EFCAB3: variants seen among roughly 807,000 people sequenced by gnomAD.
EFCAB3 encodes EF-hand calcium-binding domain-containing protein 3.
A neutral mutation model predicts 42.2 loss-of-function variants in EFCAB3; 36 were observed. The observed-to-expected ratio is 0.85, with a 90% CI of 0.65 to 1.13. EFCAB3 has a LOEUF of 1.13. EFCAB3 is among the 50% of genes most tolerant of loss of function. The pLI is 0.00. For missense variants in EFCAB3, 418 were observed against 505.1 expected, an observed-to-expected ratio of 0.83 and a Z score of 1.65; for synonymous variants, 170 against 172.8, an observed-to-expected ratio of 0.98 and a Z score of 0.13.
chr17:62,409,113 A>G (rs747177099), intron 8 of EFCAB3, among the ~76,000 whole-genome samples: 4 of 152,172 alleles, frequency 2.6e-5, no homozygotes, highest in Non-Finnish European at 4.4e-5. Flanking sequence ...GCTGGAATAC[A>G]GTGGCGTGAT....
chr17:62,397,440 G>A, intron 6 of EFCAB3: 2 of 519,662 alleles, frequency 3.8e-6, no homozygotes, highest in Admixed American at 2.3e-5. Context: ...AAGCTCCACA[G>A]TCACTGACGA....
chr17:62,404,016 T>C (rs1003075976), intron 6 of EFCAB3, among the ~76,000 whole-genome samples: 1 of 152,292 alleles, frequency 6.6e-6, no homozygotes, highest in Admixed American at 6.5e-5. Flanking sequence ...AAATACTCCA[T>C]GCTCTCTCAC....
At chr17:62,398,548 C>A (rs182557914) in intron 6 of EFCAB3, among the ~76,000 whole-genome samples, 6 of 149,918 alleles carry the variant, frequency 4.0e-5, no homozygotes, top group South Asian at 2.1e-4. Context: ...ACAGGCCTGT[C>A]GTCTCAGCTA....
At chr17:62,379,459 T>A (rs1330239037), upstream of EFCAB3, among the ~76,000 whole-genome samples, 4 of 151,604 alleles carry the variant, frequency 2.6e-5, no homozygotes, top group South Asian at 2.1e-4. Flanking sequence ...GCCTTTAATA[T>A]AGTAGGCTCT....
rs543355018 is a variant in EFCAB3 at position 62,400,200 on chromosome 17, ATC to A, written c.488+5016_488+5017del. On this transcript the variant is annotated intron_variant, in intron 6 of 9. Coordinates refer to ENST00000305286, the MANE Select transcript of EFCAB3 (RefSeq NM_173503.4). ...CAAACCAAAGGTAAAAACTTAATTT[ATC>A]TCTTTGTCCACACATACTTCTTTTT... is the stretch of plus-strand genomic sequence containing the variant. Among the ~76,000 whole-genome samples, 9 of 148,144 alleles carry A rather than the reference ATC, an allele frequency of 6.1e-5. No homozygotes were observed. In the Admixed American group the frequency reaches 6.3e-4, roughly 10 times the overall value.
chr17:62,406,423 A>G, intron 6 of EFCAB3, 57 bp from the exon 7 acceptor site: 1 of 1,445,794 alleles, frequency 6.9e-7, no homozygotes, highest in South Asian at 1.4e-5. Context: ...TTGACTTTTT[A>G]AAATTTTTGT....
chr17:62,380,356 T>C (rs2144054271), upstream of EFCAB3, among the ~76,000 whole-genome samples: 1 of 152,278 alleles, frequency 6.6e-6, no homozygotes, highest in Middle Eastern at 3.4e-3. Context: ...ACAAAAATTC[T>C]CCCCCTTCCC....
intron 4 of EFCAB3, among the ~76,000 whole-genome samples, chr17:62,393,239 A>G (rs1484685454): frequency 1.3e-5 from 2 of 152,204 alleles, no homozygotes; most frequent in Admixed American, 1.3e-4. Context: ...TATAATAGGA[A>G]TAATAGGGGT....
chr17:62,375,877 TA>T (rs2070146153), upstream of EFCAB3, among the ~76,000 whole-genome samples: 1 of 152,152 alleles, frequency 6.6e-6, no homozygotes, highest in Non-Finnish European at 1.5e-5. Flanking sequence ...TCCATATCTC[TA>T]AAAATATATT....
chr17:62,394,532 G>T (rs1461595561), intron 5 of EFCAB3, among the ~76,000 whole-genome samples: 1 of 152,030 alleles, frequency 6.6e-6, no homozygotes, highest in African/African-American at 2.4e-5. Context: ...CTCCCCCAAG[G>T]TTATAAATGA....
At chr17:62,373,475 G>A (rs984427409) in intron 1 of EFCAB3, among the ~76,000 whole-genome samples, 1 of 151,840 alleles carries the variant, frequency 6.6e-6, no homozygotes, top group African/African-American at 2.4e-5. Flanking sequence ...TGTTTAATGA[G>A]CTGGGTGTGG....
In EFCAB3 at chr17:62,397,612, G is replaced by A. The variant is rs554022025; in HGVS notation, c.488+2424G>A. 6.6e-5 allele frequency: 40 copies of A among 607,122 alleles called. No homozygotes were observed. The African/African-American group carries it at 6.6e-4, about 10-fold the overall frequency. The allele number at this position is 607,122 out of a possible 1,614,324, so 37.6% of individuals were successfully genotyped here. On this transcript the variant is annotated intron_variant, in intron 6 of 9. Coordinates refer to ENST00000305286, the MANE Select transcript of EFCAB3 (RefSeq NM_173503.4). ...AACAGCCAAATTCTGCCATCAGGAA[G>A]TGTGCCAGCATCCAGCTGATCAAGA...
At position 62,402,713 on chromosome 17, in the gene EFCAB3, C is replaced by T. The variant is rs562450955; in HGVS notation, c.489-3767C>T. On this transcript the variant is annotated intron_variant, in intron 6 of 9. Transcript: ENST00000305286. ...TTGCCAGTATTTTATTGAGGATTTT[C>T]GCATCGATGTTCATCAGGGATATTG... Among the ~76,000 whole-genome samples, 19 of 152,172 alleles carry T rather than the reference C, an allele frequency of 1.2e-4. 1 individual carries two copies. The South Asian group carries it at 2.5e-3, about 20-fold the overall frequency.
At chr17:62,371,687 T>C (rs2144041875) in intron 1 of EFCAB3, among the ~76,000 whole-genome samples, 1 of 152,120 alleles carries the variant, frequency 6.6e-6, no homozygotes, top group South Asian at 2.1e-4. Context: ...TTACAGCGAG[T>C]GAAACTAGAA....
chr17:62,416,212 T>C lies in EFCAB3; in HGVS notation c.1200T>C (p.Tyr400=), dbSNP rs1290865109. The C allele has an allele frequency of 1.2e-6, 2 of 1,613,770 alleles. No homozygotes were observed. The highest frequency in any genetic ancestry group is 8.5e-7 in the Non-Finnish European group (1 of 1,179,788). ...SPKDLRLYDA[Y]VNRNSSHNSR... is the part of the protein sequence containing the mutation. ...AGGACTTAAGGTTATATGATGCCTA[T>C]GTGAATAGAAATTCCTCCCATAACT... The change falls in exon 10 of 10, where the codon TAT becomes TAC. Residue 400 remains tyrosine (Y), a synonymous_variant. Coordinates refer to ENST00000305286, the MANE Select transcript of EFCAB3 (RefSeq NM_173503.4).
At chr17:62,398,792 C>T (rs759466557) in intron 6 of EFCAB3, among the ~76,000 whole-genome samples, 1 of 151,968 alleles carries the variant, frequency 6.6e-6, no homozygotes, top group Non-Finnish European at 1.5e-5. Context: ...ACGGAAGTAA[C>T]ATAATTCAAC....
At chr17:62,388,959 C>T (rs911743550) in intron 3 of EFCAB3, among the ~76,000 whole-genome samples, 1 of 152,154 alleles carries the variant, frequency 6.6e-6, no homozygotes, top group Non-Finnish European at 1.5e-5. Context: ...GTGAGACAGG[C>T]AGACGCAGAA....
intron 6 of EFCAB3, chr17:62,397,565 G>GA (rs2070361032): frequency 1.7e-6 from 1 of 593,524 alleles, no homozygotes; most frequent in Non-Finnish European, 3.3e-6. Context: ...AATTGTGCTG[G>GA]AAAAAATAGG....
At chr17:62,370,392 C>A (rs150948447) in intron 1 of EFCAB3, 99 of 1,460,168 alleles carry the variant, frequency 6.8e-5, no homozygotes, top group Non-Finnish European at 8.7e-5. Context: ...TGGTGATTCA[C>A]GCCTGTAATC....
Sources: gnomAD v4.1 joint callset for allele counts (sites outside exome capture counted in the v4.1 genomes callset) on GRCh38, gnomAD v4.1.1 for gene constraint, MANE v1.5 for transcripts, NCBI Gene and HGNC (gene_info 2026-07-23, HGNC 2026-07-21) for gene names.